Variants in CADM2 observed in about 807,000 individuals in gnomAD.
CADM2 encodes immunoglobulin superfamily member 4D.
CADM2 carries 12 observed loss-of-function variants against 49.8 expected under a neutral mutation model. The ratio of observed to expected loss-of-function variants is 0.24; its 90% confidence interval spans 0.15 to 0.39. CADM2 has a LOEUF of 0.39. CADM2 is among the 10% of genes least tolerant of loss of function. CADM2 has a pLI of 1.00. For missense variants in CADM2, 378 were observed against 492.3 expected, an observed-to-expected ratio of 0.77 and a Z score of 2.20; for synonymous variants, 214 against 175.4, an observed-to-expected ratio of 1.22 and a Z score of -1.74.
At chr3:85,576,128 A>T (rs1030334325) in intron 1 of CADM2, among the ~76,000 whole-genome samples, 1 of 152,184 alleles carries the variant, frequency 6.6e-6, no homozygotes, top group African/African-American at 2.4e-5. Flanking sequence ...CAGATTGTCA[A>T]CTTTGTTTTA....
intron 1 of CADM2, among the ~76,000 whole-genome samples, chr3:85,554,884 T>A (rs34618947): frequency 6.7e-6 from 1 of 150,084 alleles, no homozygotes; most frequent in African/African-American, 2.5e-5. Flanking sequence ...TTATTTTTAT[T>A]TTTTTTTTTT....
intron 1 of CADM2, among the ~76,000 whole-genome samples, chr3:85,404,309 C>T (rs546667983): frequency 6.6e-6 from 1 of 152,088 alleles, no homozygotes; most frequent in South Asian, 2.1e-4. Context: ...GACCTAATGA[C>T]AACTTTAATG....
intron 1 of CADM2, among the ~76,000 whole-genome samples, chr3:85,021,238 A>G (rs931688510): frequency 6.6e-6 from 1 of 152,126 alleles, no homozygotes; most frequent in African/African-American, 2.4e-5. Context: ...TTTAAAAAAA[A>G]GATTTGAGAA....
chr3:86,043,207 A>G (rs1736188525), intron 8 of CADM2, among the ~76,000 whole-genome samples: 1 of 152,184 alleles, frequency 6.6e-6, no homozygotes, highest in African/African-American at 2.4e-5. Context: ...CCTATTCAAC[A>G]TAGTGTTGGA....
chr3:85,964,667 C>G (rs4368495), intron 8 of CADM2, among the ~76,000 whole-genome samples: 46,612 of 151,372 alleles, frequency 0.31, 8,371 homozygotes, highest in East Asian at 0.41. Flanking sequence ...AAAGGCCTAC[C>G]CAGAGTCACC....
chr3:85,829,667 C>A (rs558474444), intron 3 of CADM2, among the ~76,000 whole-genome samples: 199 of 152,030 alleles, frequency 1.3e-3, no homozygotes, highest in Non-Finnish European at 2.5e-3. Flanking sequence ...ACTGACATTT[C>A]CCCATTTCTT....
intron 1 of CADM2, among the ~76,000 whole-genome samples, chr3:85,632,767 A>T (rs116092337): frequency 6.6e-6 from 1 of 152,014 alleles, no homozygotes; most frequent in East Asian, 1.9e-4. Context: ...ATTTATTTAG[A>T]GTCCCAGTAG....
chr3:85,801,457 A>G (rs2072030963), intron 2 of CADM2, among the ~76,000 whole-genome samples: 1 of 152,148 alleles, frequency 6.6e-6, no homozygotes, highest in Non-Finnish European at 1.5e-5. Flanking sequence ...GATATTCTAC[A>G]CTTTTTAAAG....
chr3:85,266,808 G>A (rs2043130292), intron 1 of CADM2, among the ~76,000 whole-genome samples: 1 of 151,806 alleles, frequency 6.6e-6, no homozygotes, highest in African/African-American at 2.4e-5. Flanking sequence ...AGGACAAATA[G>A]AGGGGAAAGC....
intron 1 of CADM2, among the ~76,000 whole-genome samples, chr3:85,470,362 A>G (rs531189575): frequency 1.6e-4 from 24 of 152,318 alleles, no homozygotes; most frequent in Admixed American, 1.2e-3. Flanking sequence ...GGATGTTGGG[A>G]TAGCTTTCAA....
intron 1 of CADM2, among the ~76,000 whole-genome samples, chr3:85,130,140 A>G (rs1164690490): frequency 6.6e-6 from 1 of 152,234 alleles, no homozygotes; most frequent in African/African-American, 2.4e-5. Flanking sequence ...CACTTATTTA[A>G]AGACTTATTC....
chr3:85,298,034 C>T (rs973659615), intron 1 of CADM2, among the ~76,000 whole-genome samples: 8 of 151,854 alleles, frequency 5.3e-5, no homozygotes, highest in African/African-American at 1.9e-4. Flanking sequence ...AAATGATGTT[C>T]CAGTTTATTA....
intron 1 of CADM2, among the ~76,000 whole-genome samples, chr3:85,109,547 A>G (rs986453588): frequency 2.6e-5 from 4 of 151,972 alleles, no homozygotes; most frequent in Admixed American, 6.6e-5. Flanking sequence ...ATGGTATAGA[A>G]AGAATAATCC....
intron 2 of CADM2, among the ~76,000 whole-genome samples, chr3:85,762,321 A>AGTTT (rs1208240044): frequency 6.6e-6 from 1 of 152,044 alleles, no homozygotes; most frequent in African/African-American, 2.4e-5. Flanking sequence ...CATAACTCCC[A>AGTTT]GTTTGTTTGT....
chr3:86,000,867 A>AGAGAG (rs1183420444), intron 8 of CADM2, among the ~76,000 whole-genome samples: 1 of 152,056 alleles, frequency 6.6e-6, no homozygotes, highest in Admixed American at 6.5e-5. Context: ...AGGGAAAGAG[A>AGAGAG]GAGAGGAGAG....
At chr3:84,994,315 A>G (rs2033062041) in intron 1 of CADM2, among the ~76,000 whole-genome samples, 1 of 152,190 alleles carries the variant, frequency 6.6e-6, no homozygotes, top group South Asian at 2.1e-4. Flanking sequence ...TCAATATTGT[A>G]TGTGTTACGA....
chr3:85,437,808 C>T, intron 1 of CADM2, among the ~76,000 whole-genome samples: 1 of 151,898 alleles, frequency 6.6e-6, no homozygotes, highest in Non-Finnish European at 1.5e-5. Context: ...AAAACTCCAT[C>T]AGAAGCAACT....
chr3:85,755,133 C>T (rs372962542), intron 2 of CADM2, among the ~76,000 whole-genome samples: 6 of 152,108 alleles, frequency 3.9e-5, no homozygotes, highest in Admixed American at 2.0e-4. Flanking sequence ...GAGTCAGTTG[C>T]ACAAGACCAT....
intron 1 of CADM2, among the ~76,000 whole-genome samples, chr3:85,356,941 A>G (rs1245483934): frequency 6.6e-6 from 1 of 152,128 alleles, no homozygotes; most frequent in Non-Finnish European, 1.5e-5. Flanking sequence ...GATATCACTG[A>G]CCTTCCACTC....
Sources: allele counts gnomAD v4.1 joint callset (sites outside exome capture counted in the v4.1 genomes callset), GRCh38; gene constraint gnomAD v4.1.1; transcripts MANE v1.5; gene names NCBI Gene and HGNC (gene_info 2026-07-23, HGNC 2026-07-21).